Variants in MYRIP observed in about 807,000 individuals in gnomAD.
MYRIP encodes rab effector MyRIP.
Under a neutral mutation model 98.0 loss-of-function variants are expected in MYRIP, and 49 were observed. The observed-to-expected ratio is 0.50, with a 90% CI of 0.40 to 0.63. The LOEUF (loss-of-function observed/expected upper bound fraction) is 0.63. Ranked by LOEUF, MYRIP falls within the 30% of genes least tolerant of loss-of-function variation. The probability of loss-of-function intolerance (pLI) is 0.00; values close to 1 mark genes in which losing one functional copy is unlikely to be tolerated. For missense variants in MYRIP, 1,004 were observed against 1,058.2 expected (o/e 0.95, Z 0.71); for synonymous variants, 404 against 409.5 (o/e 0.99, Z 0.16).
At chr3:40,108,613 A>G (rs72856910) in intron 3 of MYRIP, among the ~76,000 whole-genome samples, 3,625 of 152,320 alleles carry the variant, frequency 0.024, 96 homozygotes, top group African/African-American at 0.061. Flanking sequence ...TTCAGAAACA[A>G]TGAGGAGGTT....
chr3:40,059,930 G>C (rs1373498784), intron 3 of MYRIP, among the ~76,000 whole-genome samples: 1 of 152,152 alleles, frequency 6.6e-6, no homozygotes, highest in Non-Finnish European at 1.5e-5. Flanking sequence ...AAACTGGAAG[G>C]CTCATGCCAG....
chr3:40,119,794 A>T (rs2125909949), intron 3 of MYRIP, among the ~76,000 whole-genome samples: 1 of 152,260 alleles, frequency 6.6e-6, no homozygotes, highest in East Asian at 1.9e-4. Context: ...GAGGGATAGC[A>T]TTAGGAGATA....
chr3:39,994,645 C>A (rs1946287988), intron 2 of MYRIP, among the ~76,000 whole-genome samples: 1 of 152,218 alleles, frequency 6.6e-6, no homozygotes, highest in Non-Finnish European at 1.5e-5. Flanking sequence ...CACCAGAAAC[C>A]TCTGCAGACT....
chr3:39,839,517 C>G lies in MYRIP; in HGVS notation c.-31+29601C>G, dbSNP rs181366175. On this transcript the variant is annotated intron_variant, in intron 1 of 16. Transcript: ENST00000302541. ...ACGTGATCTGCCCACCTTGGCCTCG[C>G]AAAATGTTGTGATTACAAGCATGGG... Among the ~76,000 whole-genome samples the G allele has an allele frequency of 5.4e-3, 823 of 152,284 alleles. 9 individuals are homozygous for G. The highest frequency in any genetic ancestry group is 0.019 in the African/African-American group (770 of 41,544).
chr3:40,174,501 G>A (rs1046807027), intron 8 of MYRIP: 17 of 152,214 alleles, frequency 1.1e-4, no homozygotes, highest in Admixed American at 1.1e-3. Context: ...TATGTACCCA[G>A]CGGGTCCCGG....
At chr3:39,834,605 C>A (rs1941566880) in intron 1 of MYRIP, among the ~76,000 whole-genome samples, 1 of 152,108 alleles carries the variant, frequency 6.6e-6, no homozygotes, top group African/African-American at 2.4e-5. Context: ...GATGCTGTGG[C>A]ATTTCCAATT....
chr3:40,186,634 C>A (rs1376696470), intron 9 of MYRIP, among the ~76,000 whole-genome samples: 1 of 152,162 alleles, frequency 6.6e-6, no homozygotes, highest in Non-Finnish European at 1.5e-5. Flanking sequence ...GCCCCTGGGG[C>A]AGGCAACACA....
At chr3:40,026,311 C>T (rs1034077287) in intron 2 of MYRIP, among the ~76,000 whole-genome samples, 2 of 152,132 alleles carry the variant, frequency 1.3e-5, no homozygotes, top group African/African-American at 4.8e-5. Context: ...GTATGGTTGT[C>T]TCCCTTGTTC....
chr3:40,103,454 G>T (rs956087414), intron 3 of MYRIP, among the ~76,000 whole-genome samples: 1 of 152,214 alleles, frequency 6.6e-6, no homozygotes, highest in Non-Finnish European at 1.5e-5. Flanking sequence ...TGTTTGTATT[G>T]TGAAGATAAA....
At chr3:40,031,528 C>G (rs1004597275) in intron 2 of MYRIP, among the ~76,000 whole-genome samples, 8 of 152,072 alleles carry the variant, frequency 5.3e-5, no homozygotes, top group Non-Finnish European at 7.4e-5. Context: ...AATGAGATGC[C>G]TGCTTAGAGT....
rs1949815790 is a variant in MYRIP, at chr3:40,137,946, C to T, written c.333-13102C>T. Among the ~76,000 whole-genome samples the T allele has an allele frequency of 2.0e-5, 3 of 152,194 alleles. No homozygotes were observed. The South Asian group carries it at 6.2e-4, about 32-fold the overall frequency. On this transcript the variant is annotated intron_variant, in intron 3 of 16. Coordinates refer to ENST00000302541, the MANE Select transcript of MYRIP (RefSeq NM_015460.4). ...TGAGCTCTTGCAGGACAGATCTGGT[C>T]ATACATCTATGTCATAAATTTATTT... is the stretch of plus-strand genomic sequence containing the variant.
intron 1 of MYRIP, among the ~76,000 whole-genome samples, chr3:39,827,185 T>C (rs1941291882): frequency 6.6e-6 from 1 of 152,196 alleles, no homozygotes; most frequent in South Asian, 2.1e-4. Flanking sequence ...TGACCATAGC[T>C]CACTCCAGCC....
chr3:39,928,198 A>C (rs1214519752), intron 2 of MYRIP, among the ~76,000 whole-genome samples: 1 of 152,010 alleles, frequency 6.6e-6, no homozygotes, highest in Non-Finnish European at 1.5e-5. Flanking sequence ...CCCTGTCCCC[A>C]AAAATAAATC....
chr3:40,139,721 A>G (rs1489916476), intron 3 of MYRIP, among the ~76,000 whole-genome samples: 1 of 152,136 alleles, frequency 6.6e-6, no homozygotes, highest in African/African-American at 2.4e-5. Flanking sequence ...CTGGGACTAC[A>G]GGCACATGCT....
At chr3:39,826,531 TG>T (rs374458374) in intron 1 of MYRIP, among the ~76,000 whole-genome samples, 8 of 152,278 alleles carry the variant, frequency 5.3e-5, no homozygotes, top group African/African-American at 1.7e-4. Flanking sequence ...TTTAATATGA[TG>T]TTTTAAAAAA....
intron 2 of MYRIP, among the ~76,000 whole-genome samples, chr3:39,936,649 GAGCA>G (rs1362385004): frequency 1.3e-5 from 2 of 152,168 alleles, no homozygotes; most frequent in Non-Finnish European, 2.9e-5. Flanking sequence ...TCAGAAGGCA[GAGCA>G]TGCAAATACA....
At chr3:40,112,713 G>T (rs943677438) in intron 3 of MYRIP, among the ~76,000 whole-genome samples, 1 of 152,152 alleles carries the variant, frequency 6.6e-6, no homozygotes, top group African/African-American at 2.4e-5. Context: ...CCTCCATAAG[G>T]ATTTTTCATC....
intron 3 of MYRIP, among the ~76,000 whole-genome samples, chr3:40,125,304 G>T (rs1205969988): frequency 6.6e-6 from 1 of 152,234 alleles, no homozygotes; most frequent in Non-Finnish European, 1.5e-5. Context: ...TAAGCTTGAG[G>T]AGCAAGAAGA....
chr3:39,879,556 T>G (rs1943107559), intron 1 of MYRIP, among the ~76,000 whole-genome samples: 1 of 152,222 alleles, frequency 6.6e-6, no homozygotes, highest in South Asian at 2.1e-4. Flanking sequence ...TACATTTTGT[T>G]AGAAAGGAGC....
Sources: allele counts gnomAD v4.1 joint callset (sites outside exome capture counted in the v4.1 genomes callset), GRCh38; gene constraint gnomAD v4.1.1; transcripts MANE v1.5; gene names NCBI Gene and HGNC (gene_info 2026-07-23, HGNC 2026-07-21).